Variants in ABTB2 observed in about 807,000 individuals in gnomAD.
ABTB2 encodes ankyrin repeat and BTB/POZ domain-containing protein 2.
Under a neutral mutation model 104.1 loss-of-function variants are expected in ABTB2, and 56 were observed. The observed-to-expected ratio is 0.54, with a 90% CI of 0.43 to 0.67. The LOEUF is 0.67. Among genes scored for constraint, ABTB2 ranks in the 30% least tolerant of loss-of-function variants. ABTB2 has a pLI of 0.00. For missense variants in ABTB2, 1,279 were observed against 1,407.7 expected (o/e 0.91, Z 1.46); for synonymous variants, 606 against 608.2 (o/e 1.00, Z 0.05).
intron 1 of ABTB2, chr11:34,334,988 G>A (rs1855176728): frequency 5.6e-6 from 3 of 533,730 alleles, no homozygotes; most frequent in Non-Finnish European, 1.0e-5. Context: ...ACTTACCAAT[G>A]TTGTAAATTC....
chr11:34,175,556 G>GT (rs1422907280), intron 3 of ABTB2, among the ~76,000 whole-genome samples: 1 of 152,250 alleles, frequency 6.6e-6, no homozygotes, highest in African/African-American at 2.4e-5. Context: ...CTGAAAAATT[G>GT]TAAGTTGCAC....
rs78860934 is a variant in ABTB2, at chr11:34,314,873, C to A, written c.883+41828G>T. 6.2e-3 allele frequency among the ~76,000 whole-genome samples: 940 copies of A among 152,312 alleles called. 11 individuals are homozygous for A. The highest frequency in any genetic ancestry group is 0.022 in the African/African-American group (911 of 41,568). On this transcript the variant is annotated intron_variant, in intron 1 of 16. Coordinates refer to ENST00000435224, the MANE Select transcript of ABTB2 (RefSeq NM_145804.3). The stretch of plus-strand genomic sequence containing the variant: ...CTGTGTGACAGCACAGGCTGAGAGT[C>A]CATGAGGCTAACCCTGTTCTGAGAG...
intron 1 of ABTB2, chr11:34,335,572 TG>T: frequency 6.7e-7 from 1 of 1,487,308 alleles, no homozygotes; most frequent in East Asian, 2.3e-5. Flanking sequence ...CACTCCACTC[TG>T]GCACTTTCAA....
intron 1 of ABTB2, among the ~76,000 whole-genome samples, chr11:34,227,777 C>G (rs1029896199): frequency 2.6e-5 from 4 of 152,072 alleles, no homozygotes; most frequent in African/African-American, 9.7e-5. Context: ...TTCTGTCACC[C>G]AGGCTGGAGT....
intron 3 of ABTB2, among the ~76,000 whole-genome samples, chr11:34,193,123 T>A (rs1853202172): frequency 6.6e-6 from 1 of 152,126 alleles, no homozygotes; most frequent in Non-Finnish European, 1.5e-5. Context: ...TCCTTTCTCC[T>A]CCAGACCTCA....
chr11:34,276,808 CTAA>C (rs1314297004), intron 1 of ABTB2, among the ~76,000 whole-genome samples: 1 of 152,192 alleles, frequency 6.6e-6, no homozygotes, highest in African/African-American at 2.4e-5. Context: ...CAGACGTGAC[CTAA>C]TAACCTCTCA....
At chr11:34,333,317 G>A (rs777652203) in intron 1 of ABTB2, among the ~76,000 whole-genome samples, 3 of 152,152 alleles carry the variant, frequency 2.0e-5, no homozygotes, top group Non-Finnish European at 4.4e-5. Flanking sequence ...AAGTTACATA[G>A]CGGCATGTCT....
At chr11:34,338,849 T>C (rs183775692) in intron 1 of ABTB2, among the ~76,000 whole-genome samples, 2 of 152,248 alleles carry the variant, frequency 1.3e-5, no homozygotes, top group Non-Finnish European at 2.9e-5. Context: ...TCATCAGCCT[T>C]GGAGGAAAAA....
intron 1 of ABTB2, among the ~76,000 whole-genome samples, chr11:34,256,766 C>T (rs1854128082): frequency 6.6e-6 from 1 of 152,184 alleles, no homozygotes; most frequent in Non-Finnish European, 1.5e-5. Flanking sequence ...AGTCTCTTAT[C>T]TCAACACTCA....
chr11:34,312,997 A>G (rs1380535787), intron 1 of ABTB2, among the ~76,000 whole-genome samples: 2 of 152,220 alleles, frequency 1.3e-5, no homozygotes, highest in South Asian at 2.1e-4. Flanking sequence ...CTTAGAAGAA[A>G]AAAAGAAAAA....
intron 1 of ABTB2, among the ~76,000 whole-genome samples, chr11:34,332,600 A>C (rs1037808086): frequency 2.0e-5 from 3 of 152,126 alleles, no homozygotes; most frequent in Non-Finnish European, 4.4e-5. Flanking sequence ...TTGAAAGCAC[A>C]CAGTGACCCA....
intron 1 of ABTB2, among the ~76,000 whole-genome samples, chr11:34,221,127 C>T (rs1329566851): frequency 3.9e-5 from 6 of 152,146 alleles, no homozygotes; most frequent in African/African-American, 1.2e-4. Context: ...TGCGCCACCA[C>T]GCCCGGCTAA....
chr11:34,264,637 A>G (rs1347161738), intron 1 of ABTB2, among the ~76,000 whole-genome samples: 2 of 152,224 alleles, frequency 1.3e-5, no homozygotes, highest in African/African-American at 4.8e-5. Flanking sequence ...GGAGACTCAA[A>G]GCCAATATAA....
At chr11:34,267,200 T>C (rs545760173) in intron 1 of ABTB2, among the ~76,000 whole-genome samples, 1 of 152,270 alleles carries the variant, frequency 6.6e-6, no homozygotes, top group South Asian at 2.1e-4. Flanking sequence ...GGCCAGGCAT[T>C]CAAATTCTGG....
Position 34,152,314 on chromosome 11 carries a change from T to C in ABTB2, c.*73A>G, listed in dbSNP as rs947718665. On this transcript the variant is annotated 3_prime_UTR_variant, in exon 17 of 17. Coordinates refer to ENST00000435224, the MANE Select transcript of ABTB2 (RefSeq NM_145804.3). ...CCGTGAACCTGGCTCCAAGAGGGCC[T>C]ACAACCATACCCCGACATGGTGGGC... 2.3e-5 allele frequency: 34 copies of C among 1,485,420 alleles called. No individual in the cohort carries two copies. The highest frequency in any genetic ancestry group is 1.7e-4 in the African/African-American group (12 of 71,896). The allele number at this position is 1,485,420 out of a possible 1,614,324, so 92.0% of individuals were successfully genotyped here. A position where few individuals can be genotyped will look rare whatever the true frequency, so the allele number is the denominator to read the frequency against.
intron 1 of ABTB2, among the ~76,000 whole-genome samples, chr11:34,334,960 A>G (rs1855176400): frequency 6.6e-6 from 1 of 152,218 alleles, no homozygotes; most frequent in Admixed American, 6.5e-5. Flanking sequence ...AACATTTGCA[A>G]TTTTAAAATC....
At chr11:34,318,214 C>G (rs144104113) in intron 1 of ABTB2, among the ~76,000 whole-genome samples, 2,050 of 152,324 alleles carry the variant, frequency 0.013, 53 homozygotes, top group African/African-American at 0.046. Context: ...GGTGATCCAT[C>G]TGCCTCAGAC....
chr11:34,154,770 C>T lies in ABTB2; in HGVS notation c.2698-1G>A. On this transcript the variant is annotated splice_acceptor_variant, in intron 14 of 16. Transcript: ENST00000435224. LOFTEE classifies it high-confidence loss of function. The surrounding 1 kb of genome is among the most constrained non-coding windows in gnomAD (Gnocchi z 4.9). Reference sequence around the variant, plus strand: ...CGTAGTACAGATACTGCATCATCATCTGTGGTGGGAAGAGGCCCATGTGAA... The same window carrying T: ...CGTAGTACAGATACTGCATCATCATTTGTGGTGGGAAGAGGCCCATGTGAA... 1 of 1,614,088 alleles carries T rather than the reference C, an allele frequency of 6.2e-7. No homozygotes were observed. Among genetic ancestry groups the T allele is most frequent in the Non-Finnish European group, 8.5e-7 (1 of 1,179,970 alleles).
chr11:34,235,790 G>A (rs1853835281), intron 1 of ABTB2, among the ~76,000 whole-genome samples: 1 of 152,178 alleles, frequency 6.6e-6, no homozygotes, highest in Non-Finnish European at 1.5e-5. Flanking sequence ...CATGCTAGAG[G>A]CATTAATTAG....
Sources: gnomAD v4.1 joint callset for allele counts (sites outside exome capture counted in the v4.1 genomes callset) on GRCh38, gnomAD v4.1.1 for gene constraint, Gnocchi (gnomAD v3.1) non-coding constraint, MANE v1.5 for transcripts, NCBI Gene and HGNC (gene_info 2026-07-23, HGNC 2026-07-21) for gene names.